TECPR2: variants seen among roughly 807,000 people sequenced by gnomAD.
TECPR2 encodes tectonin beta-propeller repeat containing 2.
Under a neutral mutation model 138.1 loss-of-function variants are expected in TECPR2, and 65 were observed. The ratio of observed to expected loss-of-function variants is 0.47; its 90% confidence interval spans 0.39 to 0.58. TECPR2 has a LOEUF of 0.58. Among genes scored for constraint, TECPR2 ranks in the 20% least tolerant of loss-of-function variants. TECPR2 has a pLI of 0.00. For missense variants in TECPR2, 1,553 were observed against 1,824.5 expected (o/e 0.85, Z 2.71); for synonymous variants, 746 against 749.8 (o/e 0.99, Z 0.08).
chr14:102,477,132 G>C (rs562728665), intron 17 of TECPR2, among the ~76,000 whole-genome samples: 1 of 152,334 alleles, frequency 6.6e-6, no homozygotes, highest in African/African-American at 2.4e-5. Flanking sequence ...CACTTTGGGA[G>C]GCCAGGGCGG....
At chr14:102,408,072 G>A (rs1459238109) in intron 3 of TECPR2, among the ~76,000 whole-genome samples, 2 of 152,058 alleles carry the variant, frequency 1.3e-5, no homozygotes, top group Admixed American at 6.5e-5. Context: ...GGGAGGCTGA[G>A]GCAGGAGAAT....
At chr14:102,452,342 G>C in intron 15 of TECPR2, 52 bp from the exon 16 acceptor site, 1 of 1,553,702 alleles carries the variant, frequency 6.4e-7, no homozygotes. Flanking sequence ...ATTTAGGGCA[G>C]GCGGCTTGGT....
intron 8 of TECPR2, 99 bp downstream of exon 8, chr14:102,432,227 C>T (rs1889517569): frequency 4.5e-5 from 55 of 1,231,236 alleles, no homozygotes; most frequent in Non-Finnish European, 6.0e-5. Context: ...TCCATACATC[C>T]AAAAGCAGAG....
intron 1 of TECPR2, among the ~76,000 whole-genome samples, chr14:102,375,326 A>G (rs1451663480): frequency 6.6e-6 from 1 of 152,092 alleles, no homozygotes; most frequent in Non-Finnish European, 1.5e-5. Flanking sequence ...AGCCTGGGTC[A>G]CAGAGTGAGA....
intron 4 of TECPR2, among the ~76,000 whole-genome samples, chr14:102,410,676 T>G (rs1035227734): frequency 1.3e-5 from 2 of 152,176 alleles, no homozygotes; most frequent in African/African-American, 2.4e-5. Flanking sequence ...TTCCGGACAC[T>G]AGACCAACTT....
rs144599914 is a variant in TECPR2, at chr14:102,493,399, C to T, written c.3790-3580C>T. Among the ~76,000 whole-genome samples, 67 of 152,322 alleles carry T rather than the reference C, an allele frequency of 4.4e-4. 1 individual carries two copies. In the Middle Eastern group the frequency reaches 0.01, roughly 23 times the overall value. ...ATAGCCTGGTGGCCTCAGCCTCGGCCTCAGCTGGCAGGCCTCTCCCCTCCC... is the reference window on the plus strand; with the variant it reads ...ATAGCCTGGTGGCCTCAGCCTCGGCTTCAGCTGGCAGGCCTCTCCCCTCCC... On this transcript the variant is annotated intron_variant, in intron 17 of 19. Transcript: ENST00000359520.
rs1889503676 is a variant in TECPR2 at position 102,431,919 on chromosome 14, C to G, written c.1208C>G (p.Ala403Gly). The G allele has an allele frequency of 2.5e-6, 4 of 1,610,780 alleles. No individual in the cohort carries two copies. Among genetic ancestry groups the G allele is most frequent in the Non-Finnish European group, 3.4e-6 (4 of 1,177,786 alleles). ...LRGSSMASSV[A>G]SEPRSRSSSL... is the part of the protein sequence containing the mutation. ...GGCTCTTCCATGGCCAGCTCCGTGG[C>G]CAGCGAGCCAAGGAGCAGGAGCAGC... is the stretch of plus-strand genomic sequence containing the variant. The change falls in exon 8 of 20, where the codon GCC becomes GGC. Residue 403 changes from alanine (A) to glycine (G), a missense_variant. Coordinates refer to ENST00000359520, the MANE Select transcript of TECPR2 (RefSeq NM_014844.5).
intron 1 of TECPR2, among the ~76,000 whole-genome samples, chr14:102,368,157 C>T (rs1296903623): frequency 2.0e-5 from 3 of 151,618 alleles, no homozygotes; most frequent in Admixed American, 6.6e-5. Flanking sequence ...TACAGATGTG[C>T]GCCACTATGC....
intron 16 of TECPR2, among the ~76,000 whole-genome samples, chr14:102,458,158 G>A (rs1270103180): frequency 6.6e-6 from 1 of 152,096 alleles, no homozygotes; most frequent in African/African-American, 2.4e-5. Context: ...ATAGGTGTGA[G>A]CCACTGAGCC....
At position 102,431,787 on chromosome 14, in the gene TECPR2, C is replaced by CT; in HGVS notation, c.1085-6dup. The CT allele has an allele frequency of 6.5e-7, 1 of 1,537,614 alleles. No individual in the cohort carries two copies. The highest frequency in any genetic ancestry group is 8.8e-7 in the Non-Finnish European group (1 of 1,138,454). ...TCACCAGTGGTAAAACCAGACTCTT[C>CT]TTTCTTAGTGAGAGATGGTCTGGAG... On this transcript the variant is annotated splice_polypyrimidine_tract_variant and intron_variant, in intron 7 of 19. Coordinates refer to ENST00000359520, the MANE Select transcript of TECPR2 (RefSeq NM_014844.5).
In TECPR2 at chr14:102,420,264, T is replaced by G. The variant is rs1379771700; in HGVS notation, c.639-4715T>G. 6.6e-6 allele frequency among the ~76,000 whole-genome samples: 1 copy of G among 152,214 alleles called. No individual in the cohort carries two copies. The highest frequency in any genetic ancestry group is 1.5e-5 in the Non-Finnish European group (1 of 68,036). On this transcript the variant is annotated intron_variant, in intron 5 of 19. Coordinates refer to ENST00000359520, the MANE Select transcript of TECPR2 (RefSeq NM_014844.5). The surrounding 1 kb of genome is among the most constrained non-coding windows in gnomAD (Gnocchi z 4.1). ...TCTCTACCGAAATTAAGAAATTATA[T>G]TAATTTGTTTATGATTTTAGAATCC...
In TECPR2 at chr14:102,376,972, G is replaced by A. The variant is rs765820115; in HGVS notation, c.219+32G>A. The A allele has an allele frequency of 2.5e-6, 4 of 1,587,768 alleles. No individual in the cohort carries two copies. The South Asian group carries it at 3.4e-5, about 13-fold the overall frequency. On this transcript the variant is annotated intron_variant, in intron 2 of 19. Coordinates refer to ENST00000359520, the MANE Select transcript of TECPR2 (RefSeq NM_014844.5). ...CTTGCTTTGCTTTTCACCTGAGGGG[G>A]CACGAGCCATAGCTGACGCTTAACA...
At chr14:102,487,468 TATG>T (rs1172192862) in intron 17 of TECPR2, among the ~76,000 whole-genome samples, 1 of 152,236 alleles carries the variant, frequency 6.6e-6, no homozygotes, top group Admixed American at 6.5e-5. Flanking sequence ...TGATAAAAGC[TATG>T]ATAAAAGCTC....
Position 102,498,301 on chromosome 14 carries a change from C to G in TECPR2, c.*44C>G. The G allele has an allele frequency of 6.4e-7, 1 of 1,567,456 alleles. No homozygotes were observed. Among genetic ancestry groups the G allele is most frequent in the Non-Finnish European group, 8.6e-7 (1 of 1,164,754 alleles). Reference sequence around the variant, plus strand: ...ACGCGGAGGGGCCCGGCGTCTGTGGCGGGCACAGGGGCTTCAGAGTGACTC... The same window carrying G: ...ACGCGGAGGGGCCCGGCGTCTGTGGGGGGCACAGGGGCTTCAGAGTGACTC... On this transcript the variant is annotated 3_prime_UTR_variant, in exon 20 of 20. Coordinates refer to ENST00000359520, the MANE Select transcript of TECPR2 (RefSeq NM_014844.5).
intron 2 of TECPR2, among the ~76,000 whole-genome samples, chr14:102,396,246 G>GCA (rs2139680332): frequency 1.3e-5 from 2 of 152,112 alleles, no homozygotes; most frequent in South Asian, 4.2e-4. Flanking sequence ...GGGATTACAG[G>GCA]CACACACCAC....
chr14:102,414,503 A>G, intron 4 of TECPR2, 133 bp from the exon 5 acceptor site: 1 of 1,069,598 alleles, frequency 9.3e-7, no homozygotes, highest in Non-Finnish European at 1.4e-6. Flanking sequence ...ATCTGCAGAG[A>G]GTGAAAGCAT....
intron 1 of TECPR2, among the ~76,000 whole-genome samples, chr14:102,367,895 T>G (rs1268730530): frequency 6.6e-6 from 1 of 152,018 alleles, no homozygotes; most frequent in Non-Finnish European, 1.5e-5. Context: ...TAACACTTGT[T>G]CATACCCTAG....
In TECPR2 at chr14:102,435,118, A is replaced by G. The variant is rs1174186103; in HGVS notation, c.2301A>G (p.Ser767=). ...CCCACGGGCTTCCTTCTTCATCCTC[A>G]GAGACGAGTGTGACAGAGCTCGGAC... The part of the protein sequence containing the change: ...IYAHGLPSSS[S]ETSVTELGPS... Residue 767 remains serine (S), a synonymous_variant, in exon 9 of 20, where the codon TCA becomes TCG. Coordinates refer to ENST00000359520, the MANE Select transcript of TECPR2 (RefSeq NM_014844.5). 6.2e-7 allele frequency: 1 copy of G among 1,613,682 alleles called. No homozygotes were observed. The highest frequency in any genetic ancestry group is 8.5e-7 in the Non-Finnish European group (1 of 1,180,018).
chr14:102,446,052 T>G, intron 13 of TECPR2, 105 bp downstream of exon 13: 29 of 1,242,076 alleles, frequency 2.3e-5, no homozygotes, highest in Non-Finnish European at 2.6e-5. Context: ...AAATTTAAAA[T>G]ACTCACTTTT....
Sources: gnomAD v4.1 joint callset for allele counts (sites outside exome capture counted in the v4.1 genomes callset) on GRCh38, gnomAD v4.1.1 for gene constraint, Gnocchi (gnomAD v3.1) non-coding constraint, MANE v1.5 for transcripts, NCBI Gene and HGNC (gene_info 2026-07-23, HGNC 2026-07-21) for gene names.